The following NGEF variants were observed in gnomAD, a reference collection of about 807,000 sequenced individuals.
NGEF encodes neuronal guanine nucleotide exchange factor.
NGEF carries 31 observed loss-of-function variants against 80.9 expected under a neutral mutation model. The ratio of observed to expected loss-of-function variants is 0.38; its 90% CI spans 0.29 to 0.52. The LOEUF is 0.52. Among genes scored for constraint, NGEF ranks in the 20% least tolerant of loss-of-function variants. The pLI is 0.84. For missense variants in NGEF, 709 were observed against 926.2 expected (o/e 0.77, Z 3.04); for synonymous variants, 371 against 370.2 (o/e 1.00, Z -0.03).
intron 1 of NGEF, among the ~76,000 whole-genome samples, chr2:232,995,618 C>CTGTATATATATATA (rs376826955): frequency 6.0e-5 from 4 of 66,872 alleles, no homozygotes; most frequent in Non-Finnish European, 6.2e-5. Context: ...AGTATGTATA[C>CTGTATATATATATA]GTATGTATAC....
At chr2:232,902,987 G>C (rs1320819234) in intron 5 of NGEF, among the ~76,000 whole-genome samples, 1 of 134,364 alleles carries the variant, frequency 7.4e-6, no homozygotes, top group African/African-American at 2.8e-5. Context: ...GAGTGAGACT[G>C]TCTTAAAACA....
rs770491177 is a variant in NGEF, at chr2:232,884,009, G to T, written c.1573C>A (p.Leu525Met). The T allele has an allele frequency of 1.9e-6, 3 of 1,612,184 alleles. No individual in the cohort carries two copies. The South Asian group carries it at 3.3e-5, about 18-fold the overall frequency. ...GGAATCTGCCGGCAGATCACCAGCA[G>T]GTCGTTGAACAGGAAGAGGTAAATT... is the stretch of plus-strand genomic sequence containing the variant. ...HEIYLFLFNDLLVICRQIPGD... is the reference protein window; with the variant it reads ...HEIYLFLFNDMLVICRQIPGD... The change falls in exon 11 of 15, where the codon CTG becomes ATG. Residue 525 changes from leucine (L) to methionine (M), a missense_variant. Transcript: ENST00000264051.
At chr2:232,962,408 G>C (rs1252466452) in intron 3 of NGEF, among the ~76,000 whole-genome samples, 1 of 151,870 alleles carries the variant, frequency 6.6e-6, no homozygotes, top group Admixed American at 6.6e-5. Flanking sequence ...AATTAGCCAG[G>C]TGTGGTGGTG....
intron 5 of NGEF, among the ~76,000 whole-genome samples, chr2:232,917,723 C>T (rs72617187): frequency 0.039 from 5,898 of 152,200 alleles, 266 homozygotes; most frequent in East Asian, 0.24. Context: ...GAATTCTACT[C>T]TGTCTGATAA....
At chr2:232,987,463 G>A (rs1422965255) in intron 1 of NGEF, among the ~76,000 whole-genome samples, 1 of 152,206 alleles carries the variant, frequency 6.6e-6, no homozygotes, top group Admixed American at 6.5e-5. Context: ...AGAAGAGGAA[G>A]AAGAAGGGAG....
At position 232,944,744 on chromosome 2, in the gene NGEF, T is replaced by TATATATATATATAC. The variant is rs1553552743; in HGVS notation, c.384-17559_384-17558insGTATATATATATAT. Among the ~76,000 whole-genome samples, 97 of 98,638 alleles carry TATATATATATATAC rather than the reference T, an allele frequency of 9.8e-4. 4 individuals are homozygous for TATATATATATATAC. In the East Asian group the frequency reaches 0.019, roughly 20 times the overall value. 64.7% of individuals were successfully genotyped at this position (98,638 alleles called of 152,430 possible). On this transcript the variant is annotated intron_variant, in intron 3 of 14. Transcript: ENST00000264051. ...TTTTCCGAATATATATATATATATATATATATATATATATATATCTTTTTG... is the reference window on the plus strand; with the variant it reads ...TTTTCCGAATATATATATATATATATATATATATATATACATATATATATATATATATCTTTTTG...
intron 3 of NGEF, among the ~76,000 whole-genome samples, chr2:232,966,995 G>T (rs930172633): frequency 6.6e-6 from 1 of 152,128 alleles, no homozygotes; most frequent in Non-Finnish European, 1.5e-5. Flanking sequence ...AATTGTCCAT[G>T]GCTATAGTTT....
intron 3 of NGEF, among the ~76,000 whole-genome samples, chr2:232,931,997 A>G (rs1018752793): frequency 6.6e-6 from 1 of 152,122 alleles, no homozygotes; most frequent in Admixed American, 6.6e-5. Context: ...GTCCAGTGAC[A>G]TGCTCCTCAT....
intron 1 of NGEF, among the ~76,000 whole-genome samples, chr2:233,004,195 G>A (rs1435596402): frequency 6.6e-6 from 1 of 152,100 alleles, no homozygotes; most frequent in Non-Finnish European, 1.5e-5. Flanking sequence ...GCTGGAGAGA[G>A]GAACTCTCCA....
At chr2:232,905,097 TCCTCTCA>T (rs1271148682) in intron 5 of NGEF, among the ~76,000 whole-genome samples, 6 of 149,602 alleles carry the variant, frequency 4.0e-5, no homozygotes, top group African/African-American at 9.9e-5. Flanking sequence ...CCCCTCTCTC[TCCTCTCA>T]CCTCTCACCT....
intron 1 of NGEF, among the ~76,000 whole-genome samples, chr2:233,000,646 G>A (rs1694953180): frequency 6.6e-6 from 1 of 151,950 alleles, no homozygotes; most frequent in South Asian, 2.1e-4. Flanking sequence ...TGTAGTCCCA[G>A]CTACTCAGGA....
At chr2:232,890,797 G>C (rs542760640) in intron 8 of NGEF, 1 of 411,868 alleles carries the variant, frequency 2.4e-6, no homozygotes, top group Admixed American at 2.5e-5. Flanking sequence ...CCTAAAAGTG[G>C]GTCCGATCAG....
At chr2:232,955,885 T>C (rs1024643228) in intron 3 of NGEF, among the ~76,000 whole-genome samples, 1 of 152,226 alleles carries the variant, frequency 6.6e-6, no homozygotes, top group African/African-American at 2.4e-5. Context: ...AGAATGTTTC[T>C]CAATTGGGAC....
At chr2:232,912,970 C>G (rs1692720211) in intron 5 of NGEF, among the ~76,000 whole-genome samples, 1 of 151,854 alleles carries the variant, frequency 6.6e-6, no homozygotes. Context: ...CACTGATTTT[C>G]TCTATATTTT....
Position 232,930,022 on chromosome 2 carries a change from G to A in NGEF, c.384-2836C>T, listed in dbSNP as rs1412459190. ...ATCTAAGACGTGCCTTTCGCCTTCT[G>A]CCATGATTGTGAGGCCATGTGGAAT... On this transcript the variant is annotated intron_variant, in intron 3 of 14. Coordinates refer to ENST00000264051, the MANE Select transcript of NGEF (RefSeq NM_019850.3). 3.3e-5 allele frequency among the ~76,000 whole-genome samples: 5 copies of A among 152,120 alleles called. No homozygotes were observed. The South Asian group carries it at 1.0e-3, about 32-fold the overall frequency.
At chr2:232,951,693 G>A (rs774596160) in intron 3 of NGEF, among the ~76,000 whole-genome samples, 9 of 152,098 alleles carry the variant, frequency 5.9e-5, no homozygotes, top group African/African-American at 9.7e-5. Context: ...AGTGCACATC[G>A]CTTGCTCTTT....
At chr2:232,920,660 CTTCGTGTTCTTATCA>C in intron 4 of NGEF, 75 bp from the exon 5 acceptor site, 1 of 1,405,594 alleles carries the variant, frequency 7.1e-7, no homozygotes, top group Non-Finnish European at 9.6e-7. Flanking sequence ...TAAGTCAAGG[CTTCGTGTTCTTATCA>C]AGGGTGGCTG....
At chr2:232,980,727 G>C (rs1694396200) in intron 1 of NGEF, among the ~76,000 whole-genome samples, 1 of 152,088 alleles carries the variant, frequency 6.6e-6, no homozygotes, top group Non-Finnish European at 1.5e-5. Context: ...TCAAACTCCT[G>C]ACCTCAAGTG....
intron 3 of NGEF, among the ~76,000 whole-genome samples, chr2:232,943,547 G>C (rs915633912): frequency 1.6e-5 from 2 of 123,686 alleles, no homozygotes; most frequent in Admixed American, 8.1e-5. Flanking sequence ...CCAGGCTGGA[G>C]TGCAGTGGCG....
Sources: gnomAD v4.1 joint callset for allele counts (sites outside exome capture counted in the v4.1 genomes callset) on GRCh38, gnomAD v4.1.1 for gene constraint, MANE v1.5 for transcripts, NCBI Gene and HGNC (gene_info 2026-07-23, HGNC 2026-07-21) for gene names.